The following ENTREP2 variants were observed in gnomAD, a reference collection of about 807,000 sequenced individuals.
ENTREP2 encodes protein ENTREP2.
chr15:29,647,889 C>T, the ENTREP2 span, among the ~76,000 whole-genome samples: 1 of 152,160 alleles, frequency 6.6e-6, no homozygotes, highest in Non-Finnish European at 1.5e-5. Context: ...CCAACAGGCA[C>T]ACTCTACCCA....
chr15:29,411,551 G>T, the ENTREP2 span, among the ~76,000 whole-genome samples: 2 of 152,112 alleles, frequency 1.3e-5, no homozygotes, highest in African/African-American at 2.4e-5. Context: ...TTATCCTATT[G>T]ATTTGTGGGA....
chr15:29,364,575 C>G, the ENTREP2 span, among the ~76,000 whole-genome samples: 1 of 152,174 alleles, frequency 6.6e-6, no homozygotes, highest in Non-Finnish European at 1.5e-5. Flanking sequence ...CTTCACCCAG[C>G]TGAAAGGCAG....
At chr15:29,495,145 T>G in the ENTREP2 span, among the ~76,000 whole-genome samples, 2 of 152,238 alleles carry the variant, frequency 1.3e-5, no homozygotes, top group Non-Finnish European at 2.9e-5. Context: ...AGTACCAATT[T>G]ACATTCCCAG....
At chr15:29,562,785 G>A in the ENTREP2 span, among the ~76,000 whole-genome samples, 8 of 107,348 alleles carry the variant, frequency 7.5e-5, no homozygotes, top group East Asian at 2.0e-3. Context: ...TTTTTGTTTT[G>A]TATTTGTTTT....
the ENTREP2 span, among the ~76,000 whole-genome samples, chr15:29,503,499 C>T: frequency 2.4e-4 from 36 of 151,096 alleles, no homozygotes; most frequent in African/African-American, 8.4e-4. Flanking sequence ...GGAAATGTTC[C>T]GGAATTACGT....
At chr15:29,618,637 G>A in the ENTREP2 span, among the ~76,000 whole-genome samples, 3 of 152,160 alleles carry the variant, frequency 2.0e-5, no homozygotes, top group African/African-American at 7.2e-5. Flanking sequence ...GGTAAGATAA[G>A]CATATGTTCT....
the ENTREP2 span, among the ~76,000 whole-genome samples, chr15:29,651,168 G>A: frequency 7.2e-5 from 11 of 152,162 alleles, no homozygotes; most frequent in Non-Finnish European, 1.2e-4. Context: ...CCCATGCACT[G>A]GTAAGTTTTA....
the ENTREP2 span, among the ~76,000 whole-genome samples, chr15:29,405,145 T>G: frequency 6.6e-6 from 1 of 152,142 alleles, no homozygotes; most frequent in Non-Finnish European, 1.5e-5. Context: ...TCCCAGCACT[T>G]TGGGAGGCCG....
the ENTREP2 span, among the ~76,000 whole-genome samples, chr15:29,623,317 C>A: frequency 6.6e-6 from 1 of 152,100 alleles, no homozygotes; most frequent in African/African-American, 2.4e-5. Flanking sequence ...GGCCATGGTG[C>A]CCAAGCTACA....
the ENTREP2 span, among the ~76,000 whole-genome samples, chr15:29,230,087 TCTAA>T: frequency 1.3e-5 from 2 of 152,216 alleles, no homozygotes; most frequent in African/African-American, 4.8e-5. Flanking sequence ...CTCATTCATT[TCTAA>T]CTTAGTCTCA....
chr15:29,648,209 C>T, the ENTREP2 span, among the ~76,000 whole-genome samples: 16 of 152,304 alleles, frequency 1.1e-4, no homozygotes, highest in African/African-American at 2.9e-4. Context: ...TACCAGAAAC[C>T]GCTCCTGATT....
chr15:29,350,263 C>T, the ENTREP2 span, among the ~76,000 whole-genome samples: 2 of 151,936 alleles, frequency 1.3e-5, no homozygotes, highest in Non-Finnish European at 2.9e-5. Context: ...TAAATTAAGC[C>T]ATCTCATCTA....
the ENTREP2 span, among the ~76,000 whole-genome samples, chr15:29,246,106 A>G: frequency 1.4e-4 from 22 of 152,360 alleles, no homozygotes; most frequent in East Asian, 2.1e-3. Context: ...AAAGAATACT[A>G]TTCAATCGGG....
chr15:29,607,995 T>C, the ENTREP2 span, among the ~76,000 whole-genome samples: 1 of 152,098 alleles, frequency 6.6e-6, no homozygotes, highest in Non-Finnish European at 1.5e-5. Context: ...AGTCTGATGT[T>C]TGAGGGCAGG....
chr15:29,357,673 T>TA, the ENTREP2 span, among the ~76,000 whole-genome samples: 2 of 151,534 alleles, frequency 1.3e-5, no homozygotes, highest in African/African-American at 2.4e-5. Context: ...TCGTCTCTAC[T>TA]AAAAAATACA....
At chr15:29,291,254 T>C in the ENTREP2 span, among the ~76,000 whole-genome samples, 1 of 152,218 alleles carries the variant, frequency 6.6e-6, no homozygotes, top group African/African-American at 2.4e-5. Flanking sequence ...TCAAGGGTTT[T>C]TTTGTTACTG....
the ENTREP2 span, among the ~76,000 whole-genome samples, chr15:29,583,671 G>A: frequency 6.6e-6 from 1 of 152,132 alleles, no homozygotes; most frequent in Non-Finnish European, 1.5e-5. Context: ...TTTTTAAAAA[G>A]TAAGGATGCA....
the ENTREP2 span, among the ~76,000 whole-genome samples, chr15:29,130,221 A>C: frequency 6.6e-6 from 1 of 152,160 alleles, no homozygotes; most frequent in East Asian, 1.9e-4. Flanking sequence ...CTTTGATCTC[A>C]CTAAGATGCT....
chr15:29,666,664 A>T, the ENTREP2 span, among the ~76,000 whole-genome samples: 4 of 152,152 alleles, frequency 2.6e-5, no homozygotes, highest in Non-Finnish European at 5.9e-5. Context: ...CTGCCAGGCC[A>T]GTCCCCACCT....
Sources: allele counts gnomAD v4.1 joint callset (sites outside exome capture counted in the v4.1 genomes callset), GRCh38; gene constraint gnomAD v4.1.1; transcripts MANE v1.5; gene names NCBI Gene and HGNC (gene_info 2026-07-23, HGNC 2026-07-21).